The following TMPRSS11E variants were observed in gnomAD, a reference collection of about 807,000 sequenced individuals.
TMPRSS11E encodes the protein transmembrane protease serine 11E.
A neutral mutation model predicts 48.1 loss-of-function variants in TMPRSS11E; 38 were observed. The ratio of observed to expected loss-of-function variants is 0.79; its 90% CI spans 0.61 to 1.04. TMPRSS11E has a LOEUF of 1.04. Ranked by LOEUF, TMPRSS11E falls within the 50% of genes least tolerant of loss-of-function variation. The pLI, the probability that TMPRSS11E is intolerant of heterozygous loss-of-function variation, is 0.00. For missense variants in TMPRSS11E, 530 were observed against 510.8 expected, an observed-to-expected ratio of 1.04 and a Z score of -0.36; for synonymous variants, 158 against 171.9, an observed-to-expected ratio of 0.92 and a Z score of 0.63.
chr4:68,475,912 A>G (rs1242784148), intron 6 of TMPRSS11E, among the ~76,000 whole-genome samples: 1 of 152,232 alleles, frequency 6.6e-6, no homozygotes, highest in African/African-American at 2.4e-5. Flanking sequence ...ACATACACAT[A>G]AGCACACATA....
chr4:68,458,892 G>A (rs1728711106), intron 1 of TMPRSS11E, among the ~76,000 whole-genome samples: 2 of 151,898 alleles, frequency 1.3e-5, no homozygotes, highest in African/African-American at 4.8e-5. Flanking sequence ...TATCATCCTC[G>A]TTATTTGTAC....
At chr4:68,465,852 T>G (rs1323194066) in intron 2 of TMPRSS11E, among the ~76,000 whole-genome samples, 1 of 152,202 alleles carries the variant, frequency 6.6e-6, no homozygotes, top group African/African-American at 2.4e-5. Flanking sequence ...AATGAATACA[T>G]TAATTTTCTG....
intron 1 of TMPRSS11E, among the ~76,000 whole-genome samples, chr4:68,459,046 G>A (rs142964449): frequency 0.035 from 5,383 of 152,104 alleles, 237 homozygotes; most frequent in African/African-American, 0.1. Context: ...GAATCTCTGC[G>A]TACAAGACTA....
At position 68,466,763 on chromosome 4, in the gene TMPRSS11E, T is replaced by G. The variant is rs776391626; in HGVS notation, c.258+11T>G. On this transcript the variant is annotated intron_variant, in intron 3 of 9. Coordinates refer to ENST00000305363, the MANE Select transcript of TMPRSS11E (RefSeq NM_014058.4). ...AGACTTGAATCAATGGTAAGCAACT[T>G]GTCATCTACTTCTAGTGCATTTGCT... 1.2e-6 allele frequency: 2 copies of G among 1,613,166 alleles called. No individual in the cohort carries two copies. The highest frequency in any genetic ancestry group is 1.7e-6 in the Non-Finnish European group (2 of 1,179,502).
At chr4:68,455,395 C>T (rs937235308) in intron 1 of TMPRSS11E, among the ~76,000 whole-genome samples, 6 of 151,878 alleles carry the variant, frequency 4.0e-5, no homozygotes, top group African/African-American at 1.4e-4. Context: ...CTCTCAATAT[C>T]ATACAAGTTG....
At chr4:68,468,664 C>T (rs972709881) in intron 3 of TMPRSS11E, among the ~76,000 whole-genome samples, 15 of 152,172 alleles carry the variant, frequency 9.9e-5, no homozygotes, top group African/African-American at 1.2e-4. Flanking sequence ...GGCCCCACTG[C>T]GGTTCCCTAC....
intron 1 of TMPRSS11E, among the ~76,000 whole-genome samples, chr4:68,457,311 T>C (rs1212381260): frequency 6.6e-6 from 1 of 152,200 alleles, no homozygotes; most frequent in African/African-American, 2.4e-5. Context: ...TCATCATCAC[T>C]GTTCATCAGA....
In TMPRSS11E at chr4:68,478,853, C is replaced by T. The variant is rs762256699; in HGVS notation, c.972C>T (p.Tyr324=). Residue 324 remains tyrosine (Y), a synonymous_variant, in exon 9 of 10, where the codon TAC becomes TAT. Transcript: ENST00000305363. Reference sequence around the variant, plus strand: ...AAAGACTTTTTTTTCTTTTAGGTTACAGTCAAAATCATCTTCGACAAGCAC... The same window carrying T: ...AAAGACTTTTTTTTCTTTTAGGTTATAGTCAAAATCATCTTCGACAAGCAC... ...TGFGALKNDG[Y]SQNHLRQAQV... 1.9e-6 allele frequency: 3 copies of T among 1,612,642 alleles called. No homozygotes were observed. The highest frequency in any genetic ancestry group is 1.1e-5 in the South Asian group (1 of 90,862).
At chr4:68,483,445 C>T (rs181437956) in intron 9 of TMPRSS11E, among the ~76,000 whole-genome samples, 2 of 152,224 alleles carry the variant, frequency 1.3e-5, no homozygotes, top group Admixed American at 1.3e-4. Context: ...CAAACTGTAT[C>T]TATGTTTTTT....
intron 2 of TMPRSS11E, among the ~76,000 whole-genome samples, chr4:68,464,044 C>G (rs894896544): frequency 6.6e-6 from 1 of 152,132 alleles, no homozygotes; most frequent in Non-Finnish European, 1.5e-5. Flanking sequence ...GTTCCTGAAT[C>G]CTGTTGTTTG....
chr4:68,474,845 A>G, intron 6 of TMPRSS11E, 84 bp downstream of exon 6: 1 of 1,116,102 alleles, frequency 9.0e-7, no homozygotes, highest in Non-Finnish European at 1.3e-6. Context: ...CTTTGTGTTG[A>G]TATCATAGGG....
intron 9 of TMPRSS11E, among the ~76,000 whole-genome samples, chr4:68,490,559 C>G (rs960270477): frequency 1.5e-4 from 23 of 151,936 alleles, no homozygotes; most frequent in African/African-American, 5.6e-4. Context: ...TCTGATAACA[C>G]TCTGGCTGAA....
chr4:68,450,102 A>AGTCAGTATG (rs531672980), intron 1 of TMPRSS11E, among the ~76,000 whole-genome samples: 4,024 of 152,014 alleles, frequency 0.026, 177 homozygotes, highest in African/African-American at 0.091. Context: ...GATACTGAAG[A>AGTCAGTATG]GACACTCCTT....
At chr4:68,482,043 A>C (rs958077076) in intron 9 of TMPRSS11E, among the ~76,000 whole-genome samples, 3 of 152,182 alleles carry the variant, frequency 2.0e-5, no homozygotes, top group Non-Finnish European at 4.4e-5. Flanking sequence ...TGCAGGCTTT[A>C]TGGGCAGCAT....
intron 1 of TMPRSS11E, among the ~76,000 whole-genome samples, chr4:68,457,025 C>T (rs1228623281): frequency 1.3e-5 from 2 of 152,098 alleles, no homozygotes; most frequent in Non-Finnish European, 2.9e-5. Context: ...ACACCAAAAG[C>T]AATGGCAACA....
intron 6 of TMPRSS11E, 70 bp from the exon 7 acceptor site, chr4:68,476,191 C>T (rs1729208585): frequency 6.3e-7 from 1 of 1,597,824 alleles, no homozygotes; most frequent in South Asian, 1.1e-5. Context: ...GACATAGTAA[C>T]ACAATTTGAT....
intron 9 of TMPRSS11E, among the ~76,000 whole-genome samples, chr4:68,489,364 T>C (rs1482486699): frequency 6.6e-6 from 1 of 152,152 alleles, no homozygotes; most frequent in Non-Finnish European, 1.5e-5. Flanking sequence ...GTGTTCCTGG[T>C]CCACTGGCAA....
chr4:68,488,268 G>T (rs1235613868), intron 9 of TMPRSS11E, among the ~76,000 whole-genome samples: 1 of 152,114 alleles, frequency 6.6e-6, no homozygotes, highest in Non-Finnish European at 1.5e-5. Context: ...CAAGTTGCTT[G>T]CTCTCTCTCT....
At chr4:68,471,704 T>C in intron 5 of TMPRSS11E, 81 bp downstream of exon 5, 5 of 1,089,166 alleles carry the variant, frequency 4.6e-6, no homozygotes, top group Non-Finnish European at 6.3e-6. Context: ...AAAATTTTTT[T>C]TGATGTCCTT....
Sources: gnomAD v4.1 joint callset for allele counts (sites outside exome capture counted in the v4.1 genomes callset) on GRCh38, gnomAD v4.1.1 for gene constraint, MANE v1.5 for transcripts, NCBI Gene and HGNC (gene_info 2026-07-23, HGNC 2026-07-21) for gene names.